PCDH15: variants seen among roughly 807,000 people sequenced by gnomAD.
PCDH15 encodes protocadherin-15.
PCDH15 carries 129 observed loss-of-function variants against 178.5 expected under a neutral mutation model. The observed-to-expected ratio is 0.72, with a 90% CI of 0.63 to 0.84. The LOEUF (loss-of-function observed/expected upper bound fraction) is 0.84, where lower values mean the gene tolerates loss of function less well. Among genes scored for constraint, PCDH15 ranks in the 40% least tolerant of loss-of-function variants. The pLI is 0.00. For synonymous variants in PCDH15, 800 were observed against 732.0 expected (o/e 1.09, Z -1.50); for missense variants, 2,230 against 2,099.9 (o/e 1.06, Z -1.21).
chr10:55,135,774 G>C (rs563513861), intron 2 of PCDH15, among the ~76,000 whole-genome samples: 7 of 151,528 alleles, frequency 4.6e-5, no homozygotes, highest in African/African-American at 1.7e-4. Context: ...AGTAGAAATG[G>C]GGTCTCACCA....
At chr10:54,433,737 A>G (rs1206400379) in intron 3 of PCDH15, among the ~76,000 whole-genome samples, 1 of 152,184 alleles carries the variant, frequency 6.6e-6, no homozygotes, top group Non-Finnish European at 1.5e-5. Flanking sequence ...GCTTGAGGGG[A>G]TGGAGACTCA....
intron 2 of PCDH15, among the ~76,000 whole-genome samples, chr10:55,005,226 A>AATAATAATAATCATC (rs34847205): frequency 3.3e-4 from 48 of 146,550 alleles, no homozygotes; most frequent in Middle Eastern, 3.5e-3. Flanking sequence ...TAATAATAAT[A>AATAATAATAATCATC]ATCAATGGAG....
chr10:54,325,626 G>A (rs961792616), intron 7 of PCDH15, among the ~76,000 whole-genome samples: 23 of 152,192 alleles, frequency 1.5e-4, no homozygotes, highest in Admixed American at 1.2e-3. Flanking sequence ...GCACGCATCT[G>A]TAATCCCAGC....
intron 1 of PCDH15, among the ~76,000 whole-genome samples, chr10:54,799,282 C>T (rs764019328): frequency 4.6e-5 from 7 of 151,992 alleles, no homozygotes; most frequent in Non-Finnish European, 7.4e-5. Context: ...TAAAAAGATA[C>T]AACACATACC....
intron 1 of PCDH15, among the ~76,000 whole-genome samples, chr10:55,208,717 T>C (rs1432409441): frequency 1.3e-5 from 2 of 152,114 alleles, no homozygotes; most frequent in African/African-American, 4.8e-5. Context: ...AAATTTCCTT[T>C]CCTACATACC....
intron 2 of PCDH15, among the ~76,000 whole-genome samples, chr10:55,349,545 C>T (rs1490771177): frequency 6.6e-6 from 1 of 151,822 alleles, no homozygotes; most frequent in Non-Finnish European, 1.5e-5. Context: ...TGCTTTTTAG[C>T]TCTGAAAAAT....
intron 18 of PCDH15, among the ~76,000 whole-genome samples, chr10:54,041,557 A>G (rs1034797422): frequency 7.2e-5 from 11 of 152,150 alleles, no homozygotes; most frequent in Non-Finnish European, 1.5e-4. Flanking sequence ...TATGCATTGC[A>G]TAATAAGAGC....
chr10:54,851,520 A>T (rs1168322699), intron 3 of PCDH15, among the ~76,000 whole-genome samples: 1 of 152,220 alleles, frequency 6.6e-6, no homozygotes, highest in Non-Finnish European at 1.5e-5. Flanking sequence ...AACTAACACA[A>T]GCCCTTATGG....
intron 26 of PCDH15, among the ~76,000 whole-genome samples, chr10:53,878,320 T>TA (rs1554841077): frequency 3.2e-4 from 45 of 141,046 alleles, no homozygotes; most frequent in South Asian, 1.3e-3. Flanking sequence ...ATATTCTATA[T>TA]ATATAGTCTA....
At chr10:55,046,029 T>C (rs900560620) in intron 2 of PCDH15, among the ~76,000 whole-genome samples, 18 of 152,098 alleles carry the variant, frequency 1.2e-4, no homozygotes, top group African/African-American at 4.1e-4. Flanking sequence ...TTAACTTTAG[T>C]GAAATTCTTG....
At chr10:54,556,653 A>AT (rs1207431699) in intron 2 of PCDH15, among the ~76,000 whole-genome samples, 1 of 129,342 alleles carries the variant, frequency 7.7e-6, no homozygotes, top group East Asian at 2.7e-4. Flanking sequence ...GTAGGGGGTG[A>AT]ATTTTTTTTT....
chr10:55,055,027 C>T (rs1195876132), intron 2 of PCDH15, among the ~76,000 whole-genome samples: 1 of 152,122 alleles, frequency 6.6e-6, no homozygotes, highest in Non-Finnish European at 1.5e-5. Flanking sequence ...TAATTACATC[C>T]CATTTGTCAA....
intron 3 of PCDH15, among the ~76,000 whole-genome samples, chr10:54,423,206 A>C (rs2135872466): frequency 6.6e-6 from 1 of 152,176 alleles, no homozygotes; most frequent in East Asian, 1.9e-4. Flanking sequence ...CCCAAACCAG[A>C]TGCTCCCCCT....
chr10:54,690,711 A>T (rs2095105491), intron 1 of PCDH15, among the ~76,000 whole-genome samples: 1 of 152,146 alleles, frequency 6.6e-6, no homozygotes, highest in Admixed American at 6.6e-5. Context: ...GAGTTGCTAA[A>T]CCAGTAATAA....
intron 10 of PCDH15, among the ~76,000 whole-genome samples, chr10:54,208,601 C>T (rs1231161984): frequency 1.3e-5 from 2 of 151,900 alleles, no homozygotes; most frequent in Admixed American, 6.6e-5. Flanking sequence ...AACTAGAACC[C>T]GACCATATTG....
At chr10:55,474,344 C>A (rs1840022072) in intron 2 of PCDH15, among the ~76,000 whole-genome samples, 1 of 152,126 alleles carries the variant, frequency 6.6e-6, no homozygotes, top group Non-Finnish European at 1.5e-5. Flanking sequence ...AACAAAAAAA[C>A]TTCATAAATA....
chr10:55,038,876 C>T (rs571824298), intron 2 of PCDH15, among the ~76,000 whole-genome samples: 1 of 152,134 alleles, frequency 6.6e-6, no homozygotes, highest in African/African-American at 2.4e-5. Context: ...TAAAAATTCT[C>T]TGACCTTAAA....
Position 55,255,522 on chromosome 10 carries a change from C to T in PCDH15, c.-156+64077G>A, listed in dbSNP as rs571673846. The stretch of plus-strand genomic sequence containing the variant: ...TTCTAGTTCTAGATCCCTGAGGAAT[C>T]GCCACACTGACTTCCACAATGGTTG... On this transcript the variant is annotated intron_variant, in intron 1 of 5. Transcript: ENST00000458638. Among the ~76,000 whole-genome samples the T allele has an allele frequency of 2.8e-3, 430 of 152,278 alleles. 2 individuals are homozygous for T. Among genetic ancestry groups the T allele is most frequent in the South Asian group, 0.013 (61 of 4,828 alleles).
At chr10:54,348,598 G>A (rs1366348438) in intron 5 of PCDH15, among the ~76,000 whole-genome samples, 1 of 147,198 alleles carries the variant, frequency 6.8e-6, no homozygotes, top group Non-Finnish European at 1.5e-5. Context: ...ATAGAATTTT[G>A]TATATTTGTT....
Sources: gnomAD v4.1 joint callset for allele counts (sites outside exome capture counted in the v4.1 genomes callset) on GRCh38, gnomAD v4.1.1 for gene constraint, MANE v1.5 for transcripts, NCBI Gene and HGNC (gene_info 2026-07-23, HGNC 2026-07-21) for gene names.